TTLL12: variants seen among roughly 807,000 people sequenced by gnomAD.
TTLL12 encodes tubulin--tyrosine ligase-like protein 12.
A neutral mutation model predicts 79.6 loss-of-function variants in TTLL12; 77 were observed. The ratio of observed to expected loss-of-function variants is 0.97; its 90% confidence interval spans 0.81 to 1.17. TTLL12 has a LOEUF of 1.17. Among genes scored for constraint, TTLL12 ranks in the 50% most tolerant of loss-of-function variants. The pLI, the probability that TTLL12 is intolerant of heterozygous loss-of-function variation, is 0.00. For missense variants in TTLL12, 969 were observed against 895.9 expected, an observed-to-expected ratio of 1.08 and a Z score of -1.04; for synonymous variants, 437 against 376.1, an observed-to-expected ratio of 1.16 and a Z score of -1.87.
chr22:43,174,178 G>A, intron 8 of TTLL12, 31 bp downstream of exon 8: 2 of 1,592,310 alleles, frequency 1.3e-6, no homozygotes, highest in Non-Finnish European at 8.5e-7. Context: ...AAAGGGCCAT[G>A]GAGCACACCG....
chr22:43,179,848 G>A lies in TTLL12; in HGVS notation c.699C>T (p.Asp233=), dbSNP rs763324693. ...YTLLWPLRDL[D]TGEEVTRDFA... ...GGCAGGTGCTGGACTTACCGCCAGT[G>A]TCCAGGTCCCTCAGGGGCCACAGCA... The change falls in exon 4 of 14, where the codon GAC becomes GAT. Residue 233 remains aspartate (D), a synonymous_variant. Transcript: ENST00000216129. 2 of 1,592,346 alleles carry A rather than the reference G, an allele frequency of 1.3e-6. No homozygotes were observed. The highest frequency in any genetic ancestry group is 1.7e-5 in the Admixed American group (1 of 58,168).
At position 43,167,854 on chromosome 22, in the gene TTLL12, G is replaced by T; in HGVS notation, c.*154C>A. ...GGAGGATGCTGTGCTCCCGGAGTGTGGCGCCGGGAGGATGGCTCGGCAGGA... is the reference window on the plus strand; with the variant it reads ...GGAGGATGCTGTGCTCCCGGAGTGTTGCGCCGGGAGGATGGCTCGGCAGGA... On this transcript the variant is annotated 3_prime_UTR_variant, in exon 14 of 14. Transcript: ENST00000216129. 4 of 906,044 alleles carry T rather than the reference G, an allele frequency of 4.4e-6. No homozygotes were observed. The highest frequency in any genetic ancestry group is 6.7e-6 in the Non-Finnish European group (4 of 598,884). The allele number at this position is 906,044 out of a possible 1,614,324, so 56.1% of individuals were successfully genotyped here.
Position 43,169,503 on chromosome 22 carries a change from G to C in TTLL12, c.1641C>G (p.Val547=). ...KQYPEFPWTD[V]QAEIFRAFTE... is the part of the protein sequence containing the mutation. Reference sequence around the variant, plus strand: ...TGGTGTGCAGGACAGGAATTACCTGGACGTCCGTCCAGGGAAATTCTGGGT... The same window carrying C: ...TGGTGTGCAGGACAGGAATTACCTGCACGTCCGTCCAGGGAAATTCTGGGT... Residue 547 remains valine (V), a synonymous_variant, in exon 12 of 14, where the codon GTC becomes GTG. Transcript: ENST00000216129. 4.4e-6 allele frequency: 7 copies of C among 1,595,952 alleles called. No individual in the cohort carries two copies. The highest frequency in any genetic ancestry group is 6.0e-6 in the Non-Finnish European group (7 of 1,169,704).
rs1424208464 is a variant in TTLL12, at chr22:43,179,642, C to T, written c.817G>A (p.Glu273Lys). The change falls in exon 5 of 14, where the codon GAG becomes AAG. Residue 273 changes from glutamate (E) to lysine (K), a missense_variant. Physicochemically the swap from Glu to Lys is moderately conservative, Grantham distance 56 (BLOSUM62 1). Coordinates refer to ENST00000216129, the MANE Select transcript of TTLL12 (RefSeq NM_015140.4). ...DMLDLSSCTP[E>K]PPAEHYQAIL... ...ACCTGGTAGTGCTCGGCGGGCGGCT[C>T]GGGTGTGCAAGAGCTGAGGTCCAGC... is the stretch of plus-strand genomic sequence containing the variant. The T allele has an allele frequency of 7.6e-6, 12 of 1,585,496 alleles. No individual in the cohort carries two copies. The highest frequency in any genetic ancestry group is 2.3e-5 in the East Asian group (1 of 44,390).
At chr22:43,173,614 G>A in intron 9 of TTLL12, 101 bp downstream of exon 9, 1 of 1,132,058 alleles carries the variant, frequency 8.8e-7, no homozygotes, top group Non-Finnish European at 1.3e-6. Flanking sequence ...TGCCCAGCCT[G>A]GACCTGTCCA....
At chr22:43,183,674 G>A (rs992653193) in intron 1 of TTLL12, among the ~76,000 whole-genome samples, 1 of 152,246 alleles carries the variant, frequency 6.6e-6, no homozygotes, top group Non-Finnish European at 1.5e-5. Flanking sequence ...CAGGCCAACA[G>A]GAAGCGAGGC....
intron 2 of TTLL12, among the ~76,000 whole-genome samples, chr22:43,181,892 G>A (rs111497592): frequency 2.0e-5 from 3 of 151,282 alleles, no homozygotes; most frequent in East Asian, 1.9e-4. Flanking sequence ...CCAGGCCTTC[G>A]GGGTGACCCT....
At chr22:43,179,785 G>A (rs767679624) in intron 4 of TTLL12, 33 bp from the exon 5 acceptor site, 2 of 1,549,678 alleles carry the variant, frequency 1.3e-6, no homozygotes, top group Admixed American at 3.9e-5. Flanking sequence ...ATCAGAGGGG[G>A]TGACGGGACA....
chr22:43,178,937 G>A (rs1569485875), intron 5 of TTLL12, among the ~76,000 whole-genome samples: 1 of 152,240 alleles, frequency 6.6e-6, no homozygotes, highest in Admixed American at 6.5e-5. Flanking sequence ...GCCTACGGAA[G>A]CAGCAGCAGA....
intron 1 of TTLL12, among the ~76,000 whole-genome samples, chr22:43,185,607 C>T (rs1177939818): frequency 1.3e-5 from 2 of 152,154 alleles, no homozygotes; most frequent in East Asian, 1.9e-4. Context: ...GGCACGGTGG[C>T]GACCACCCTC....
At position 43,180,724 on chromosome 22, in the gene TTLL12, G is replaced by A. The variant is rs1028203354; in HGVS notation, c.546+18C>T. The A allele has an allele frequency of 4.3e-6, 7 of 1,611,900 alleles. No homozygotes were observed. The highest frequency in any genetic ancestry group is 4.0e-5 in the African/African-American group (3 of 74,890). ...CATGCCTGTCCTCCCCCTCCCCGGG[G>A]CCCAGCTACCCACTCACCCCATGGG... On this transcript the variant is annotated intron_variant, in intron 3 of 13. Transcript: ENST00000216129.
chr22:43,168,901 G>A lies in TTLL12; in HGVS notation c.1656C>T (p.Phe552=), dbSNP rs1390862530. Residue 552 remains phenylalanine (F), a synonymous_variant, in exon 13 of 14, where the codon TTC becomes TTT. Transcript: ENST00000216129. ...FPWTDVQAEI[F]RAFTELFQVA... Reference sequence around the variant, plus strand: ...CCTGGAACAGCTCCGTGAAGGCCCGGAAGATCTCAGCCTGGGGACCGGGGA... The same window carrying A: ...CCTGGAACAGCTCCGTGAAGGCCCGAAAGATCTCAGCCTGGGGACCGGGGA... 1.9e-6 allele frequency: 3 copies of A among 1,610,570 alleles called. No individual in the cohort carries two copies. The highest frequency in any genetic ancestry group is 2.5e-6 in the Non-Finnish European group (3 of 1,178,698).
chr22:43,185,950 G>A lies in TTLL12; in HGVS notation c.177+943C>T, dbSNP rs941227629. 4 of 985,150 alleles carry A rather than the reference G, an allele frequency of 4.1e-6. 1 individual carries two copies. Among genetic ancestry groups the A allele is most frequent in the Middle Eastern group, 1.0e-3 (2 of 1,914 alleles). 61.0% of individuals were successfully genotyped at this position (985,150 alleles called of 1,614,324 possible). A position where few individuals can be genotyped will look rare whatever the true frequency, so the allele number is the denominator to read the frequency against. On this transcript the variant is annotated intron_variant, in intron 1 of 13. Transcript: ENST00000216129. Reference sequence around the variant, plus strand: ...TCTCTGTTACACTGTAGCATAAGGAGGTGCCACTCACTGCACGTTTCCAGC... The same window carrying A: ...TCTCTGTTACACTGTAGCATAAGGAAGTGCCACTCACTGCACGTTTCCAGC...
chr22:43,173,901 G>T, intron 8 of TTLL12, 75 bp from the exon 9 acceptor site: 1 of 1,328,556 alleles, frequency 7.5e-7, no homozygotes, highest in East Asian at 2.5e-5. Context: ...GGACCCAGAG[G>T]CAGAAGAGGG....
chr22:43,176,185 G>A (rs1931903019), intron 6 of TTLL12, 135 bp downstream of exon 6: 1 of 682,470 alleles, frequency 1.5e-6, no homozygotes, highest in South Asian at 1.7e-5. Context: ...TGTCACTGCT[G>A]TGCCCAGACA....
chr22:43,181,873 A>G (rs1183507810), intron 2 of TTLL12, among the ~76,000 whole-genome samples: 1 of 152,220 alleles, frequency 6.6e-6, no homozygotes, highest in Non-Finnish European at 1.5e-5. Context: ...CACGTGATGC[A>G]GGGCAGAGCC....
chr22:43,180,279 G>C (rs989745941), intron 3 of TTLL12, among the ~76,000 whole-genome samples: 18 of 152,180 alleles, frequency 1.2e-4, no homozygotes, highest in African/African-American at 3.9e-4. Context: ...GGTGTATATG[G>C]GTTTGAGGGT....
chr22:43,176,415 G>C lies in TTLL12; in HGVS notation c.841-19C>G, dbSNP rs769197680. 2.7e-5 allele frequency: 43 copies of C among 1,593,532 alleles called. No homozygotes were observed. In the Admixed American group the frequency reaches 7.8e-4, roughly 29 times the overall value. On this transcript the variant is annotated intron_variant, in intron 5 of 13. Coordinates refer to ENST00000216129, the MANE Select transcript of TTLL12 (RefSeq NM_015140.4). ...GAATGGCCTAAAAGGAAACACACCG[G>C]AAGTAGAGATGAGGTCAAGGAAGGG...
intron 5 of TTLL12, 100 bp from the exon 6 acceptor site, chr22:43,176,496 G>A: frequency 2.1e-6 from 2 of 935,878 alleles, no homozygotes; most frequent in Non-Finnish European, 3.4e-6. Flanking sequence ...TTGAGAGGGT[G>A]AGGCAGGTGG....
Sources: gnomAD v4.1 joint callset for allele counts (sites outside exome capture counted in the v4.1 genomes callset) on GRCh38, gnomAD v4.1.1 for gene constraint, MANE v1.5 for transcripts, NCBI Gene and HGNC (gene_info 2026-07-23, HGNC 2026-07-21) for gene names.